The following SUPT3H variants were observed in gnomAD, a reference collection of about 807,000 sequenced individuals.
SUPT3H encodes SPT3 homolog, SAGA and STAGA complex component.
A neutral mutation model predicts 44.3 loss-of-function variants in SUPT3H; 44 were observed. The ratio of observed to expected loss-of-function variants is 0.99; its 90% CI spans 0.78 to 1.28. The LOEUF is 1.28. SUPT3H is among the 50% of genes most tolerant of loss of function. The pLI, the probability that SUPT3H is intolerant of heterozygous loss-of-function variation, is 0.00. For synonymous variants in SUPT3H, 124 were observed against 125.6 expected (o/e 0.99, Z 0.09); for missense variants, 380 against 387.1 (o/e 0.98, Z 0.15).
In SUPT3H at chr6:45,062,933, G is replaced by T. The variant is rs1033933981; in HGVS notation, c.187-42301C>A. On this transcript the variant is annotated intron_variant, in intron 3 of 10. Transcript: ENST00000371459. The stretch of plus-strand genomic sequence containing the variant: ...TTGCTTAGGTAAACAAAGCAGAAAG[G>T]AAACTCGAACTGGGTGGAGCCCACC... Among the ~76,000 whole-genome samples, 21 of 152,048 alleles carry T rather than the reference G, an allele frequency of 1.4e-4. 1 individual carries two copies. The highest frequency in any genetic ancestry group is 5.1e-4 in the African/African-American group (21 of 41,296).
At chr6:45,312,446 C>T (rs1236700383) in intron 2 of SUPT3H, among the ~76,000 whole-genome samples, 6 of 147,060 alleles carry the variant, frequency 4.1e-5, no homozygotes, top group South Asian at 2.2e-4. Flanking sequence ...ACCCAGGAAG[C>T]GGAGCTTGCA....
chr6:44,934,157 C>A (rs1220285762), intron 9 of SUPT3H, among the ~76,000 whole-genome samples: 1 of 152,038 alleles, frequency 6.6e-6, no homozygotes, highest in Non-Finnish European at 1.5e-5. Flanking sequence ...ATTTTTTACT[C>A]ATAATTCTTT....
chr6:45,116,732 A>T (rs916646382), intron 2 of SUPT3H, among the ~76,000 whole-genome samples: 3 of 152,136 alleles, frequency 2.0e-5, no homozygotes, highest in African/African-American at 7.2e-5. Flanking sequence ...TTGAGATATC[A>T]TTTACATACC....
chr6:44,922,540 T>A (rs1768890508), intron 10 of SUPT3H, among the ~76,000 whole-genome samples: 1 of 152,174 alleles, frequency 6.6e-6, no homozygotes, highest in African/African-American at 2.4e-5. Flanking sequence ...GGGGATTTTT[T>A]TGTCACACTA....
At chr6:45,255,182 TAG>T (rs961916768) in intron 2 of SUPT3H, among the ~76,000 whole-genome samples, 2 of 151,944 alleles carry the variant, frequency 1.3e-5, no homozygotes, top group Non-Finnish European at 1.5e-5. Flanking sequence ...ACTATATATA[TAG>T]AGAGAGAGAG....
chr6:44,938,063 G>A (rs181604221), intron 9 of SUPT3H, among the ~76,000 whole-genome samples: 1 of 151,194 alleles, frequency 6.6e-6, no homozygotes, highest in East Asian at 1.9e-4. Context: ...TTTCCATGCA[G>A]AAGCTTTTTA....
At chr6:44,858,143 T>TACTAC (rs1194111359) in intron 10 of SUPT3H, among the ~76,000 whole-genome samples, 1 of 152,170 alleles carries the variant, frequency 6.6e-6, no homozygotes, top group African/African-American at 2.4e-5. Context: ...ACTACATTAC[T>TACTAC]ACTACACTAC....
At position 45,105,091 on chromosome 6, in the gene SUPT3H, G is replaced by A. The variant is rs893216420; in HGVS notation, c.186+831C>T. Among the ~76,000 whole-genome samples, 11 of 151,784 alleles carry A rather than the reference G, an allele frequency of 7.2e-5. No homozygotes were observed. In the East Asian group the frequency reaches 2.1e-3, roughly 29 times the overall value. ...AAACCCTTAGTATAGCATATACAACGAGAAACAGATACCTATATATATAAA... is the reference window on the plus strand; with the variant it reads ...AAACCCTTAGTATAGCATATACAACAAGAAACAGATACCTATATATATAAA... On this transcript the variant is annotated intron_variant, in intron 3 of 10. Transcript: ENST00000371459.
Position 44,829,762 on chromosome 6 carries a change from A to AC in SUPT3H, c.*53dup. ...TATTTTATTTTGTTCACAAGAAATC[A>AC]CCTTAATATAACATTGCCTTTCCTG... On this transcript the variant is annotated 3_prime_UTR_variant, in exon 11 of 11. Transcript: ENST00000371459. 1.9e-6 allele frequency: 3 copies of AC among 1,580,020 alleles called. No individual in the cohort carries two copies. Among genetic ancestry groups the AC allele is most frequent in the Non-Finnish European group, 2.6e-6 (3 of 1,155,940 alleles).
intron 3 of SUPT3H, chr6:45,098,759 T>C (rs1268218733): frequency 2.1e-6 from 1 of 479,650 alleles, no homozygotes; most frequent in African/African-American, 2.0e-5. Flanking sequence ...TAAGACATCA[T>C]CACTACCAGT....
intron 10 of SUPT3H, among the ~76,000 whole-genome samples, chr6:44,860,300 C>G (rs1434969453): frequency 6.6e-6 from 1 of 152,190 alleles, no homozygotes; most frequent in Non-Finnish European, 1.5e-5. Context: ...TCACAATCAA[C>G]TGCTTCATGT....
In SUPT3H at chr6:44,893,140, T is replaced by C. The variant is rs74431639; in HGVS notation, c.912+39513A>G. Among the ~76,000 whole-genome samples, 598 of 152,326 alleles carry C rather than the reference T, an allele frequency of 3.9e-3. 7 individuals carry two copies. Among genetic ancestry groups the C allele is most frequent in the African/African-American group, 0.014 (569 of 41,572 alleles). ...GGCCTGTGTGCCTAAAGGTTGCATATGTACACACAGAAGGCATCTCATCTC... is the reference window on the plus strand; with the variant it reads ...GGCCTGTGTGCCTAAAGGTTGCATACGTACACACAGAAGGCATCTCATCTC... On this transcript the variant is annotated intron_variant, in intron 10 of 10. Transcript: ENST00000371459.
At chr6:45,138,497 C>A (rs1360701018) in intron 2 of SUPT3H, among the ~76,000 whole-genome samples, 1 of 152,058 alleles carries the variant, frequency 6.6e-6, no homozygotes, top group African/African-American at 2.4e-5. Context: ...TATGGCACGT[C>A]CATACAATGG....
rs538560915 is a variant in SUPT3H at position 45,039,458 on chromosome 6, A to G, written c.187-18826T>C. On this transcript the variant is annotated intron_variant, in intron 3 of 10. Coordinates refer to ENST00000371459, the MANE Select transcript of SUPT3H (RefSeq NM_003599.4). ...TATTTCTGTACTATTAAAGAATTTAATTTTTGCTCTCAAATCTGTTTCCAT... is the reference window on the plus strand; with the variant it reads ...TATTTCTGTACTATTAAAGAATTTAGTTTTTGCTCTCAAATCTGTTTCCAT... Among the ~76,000 whole-genome samples the G allele has an allele frequency of 3.3e-5, 5 of 152,240 alleles. No homozygotes were observed. In the South Asian group the frequency reaches 1.0e-3, roughly 32 times the overall value.
Position 45,305,453 on chromosome 6 carries a change from T to C in SUPT3H, c.101+59748A>G, listed in dbSNP as rs1782847743. Reference sequence around the variant, plus strand: ...CATAAATTCAGCTAGATTATTCTAATAACATTTGACAAAATGTTCCTTCCA... The same window carrying C: ...CATAAATTCAGCTAGATTATTCTAACAACATTTGACAAAATGTTCCTTCCA... On this transcript the variant is annotated intron_variant, in intron 2 of 10. Transcript: ENST00000371459. Among the ~76,000 whole-genome samples, 3 of 152,266 alleles carry C rather than the reference T, an allele frequency of 2.0e-5. No homozygotes were observed. In the South Asian group the frequency reaches 6.2e-4, roughly 31 times the overall value.
At chr6:44,956,432 C>CTCT (rs959475794) in intron 7 of SUPT3H, among the ~76,000 whole-genome samples, 3 of 121,646 alleles carry the variant, frequency 2.5e-5, no homozygotes, top group Non-Finnish European at 4.7e-5. Flanking sequence ...TGCAGTGAGC[C>CTCT]GAGATGGCGC....
In SUPT3H at chr6:45,212,141, C is replaced by T. The variant is rs138078614; in HGVS notation, c.102-106135G>A. On this transcript the variant is annotated intron_variant, in intron 2 of 10. Transcript: ENST00000371459. Reference sequence around the variant, plus strand: ...AGATTGCACCACTGCACTCCAGCCACAGAGCAAGACTCTGTCTCAAAAAGA... The same window carrying T: ...AGATTGCACCACTGCACTCCAGCCATAGAGCAAGACTCTGTCTCAAAAAGA... Among the ~76,000 whole-genome samples the T allele has an allele frequency of 2.6e-4, 40 of 152,110 alleles. 1 individual carries two copies. Among genetic ancestry groups the T allele is most frequent in the African/African-American group, 8.2e-4 (34 of 41,476 alleles).
chr6:45,377,369 C>G (rs1290873392), intron 1 of SUPT3H: 1 of 152,266 alleles, frequency 6.6e-6, no homozygotes, highest in Non-Finnish European at 1.5e-5. Context: ...CCACTAACTA[C>G]CTAACTCTTC....
At chr6:45,046,383 T>C (rs1192280572) in intron 3 of SUPT3H, among the ~76,000 whole-genome samples, 1 of 152,114 alleles carries the variant, frequency 6.6e-6, no homozygotes, top group Non-Finnish European at 1.5e-5. Context: ...CAGGCTGGAG[T>C]GCAGTGGCAC....
Sources: allele counts gnomAD v4.1 joint callset (sites outside exome capture counted in the v4.1 genomes callset), GRCh38; gene constraint gnomAD v4.1.1; transcripts MANE v1.5; gene names NCBI Gene and HGNC (gene_info 2026-07-23, HGNC 2026-07-21).